The following CNTNAP2 variants were observed in gnomAD, a reference collection of about 807,000 sequenced individuals.
The protein encoded by CNTNAP2 is contactin associated protein 2.
CNTNAP2 carries 98 observed loss-of-function variants against 155.2 expected under a neutral mutation model. That is an observed-to-expected ratio of 0.63 (90% confidence interval 0.54 to 0.75). The LOEUF (loss-of-function observed/expected upper bound fraction) is 0.75. CNTNAP2 is among the 30% of genes least tolerant of loss of function. CNTNAP2 has a pLI of 0.00. For synonymous variants in CNTNAP2, 651 were observed against 631.2 expected (o/e 1.03, Z -0.47); for missense variants, 1,727 against 1,688.1 (o/e 1.02, Z -0.40).
At chr7:146,151,684 A>ATATATATATG (rs1798051462) in intron 1 of CNTNAP2, among the ~76,000 whole-genome samples, 2 of 51,994 alleles carry the variant, frequency 3.8e-5, no homozygotes, top group African/African-American at 2.5e-4. Flanking sequence ...ATATATATGT[A>ATATATATATG]TATATATATA....
chr7:146,488,992 A>G (rs1265324005), intron 1 of CNTNAP2, among the ~76,000 whole-genome samples: 1 of 152,172 alleles, frequency 6.6e-6, no homozygotes. Flanking sequence ...ACATGGAAAC[A>G]GAGATTTCAA....
intron 13 of CNTNAP2, chr7:147,643,272 A>G (rs998074386): frequency 6.6e-6 from 1 of 152,324 alleles, no homozygotes; most frequent in East Asian, 1.9e-4. Flanking sequence ...GCTAAAATAA[A>G]TTGGCATAAT....
At chr7:148,305,876 T>C (rs1797482372) in intron 21 of CNTNAP2, among the ~76,000 whole-genome samples, 1 of 152,166 alleles carries the variant, frequency 6.6e-6, no homozygotes, top group South Asian at 2.1e-4. Context: ...GCATCTCTCT[T>C]CTCCATCATC....
intron 20 of CNTNAP2, among the ~76,000 whole-genome samples, chr7:148,258,717 T>A (rs1196786225): frequency 6.6e-6 from 1 of 152,088 alleles, no homozygotes; most frequent in Non-Finnish European, 1.5e-5. Context: ...GGGCTTCAAC[T>A]TGGAGTAAAT....
At chr7:146,607,107 T>C (rs1799060960) in intron 1 of CNTNAP2, among the ~76,000 whole-genome samples, 2 of 152,206 alleles carry the variant, frequency 1.3e-5, no homozygotes, top group African/African-American at 4.8e-5. Flanking sequence ...AAAATATTTC[T>C]AACATTATTA....
At chr7:146,706,423 T>G (rs1245966856) in intron 1 of CNTNAP2, among the ~76,000 whole-genome samples, 1 of 152,172 alleles carries the variant, frequency 6.6e-6, no homozygotes, top group African/African-American at 2.4e-5. Flanking sequence ...CATGGAGATC[T>G]TCTCAGCCTG....
chr7:147,560,906 G>T (rs1023002533), intron 11 of CNTNAP2, among the ~76,000 whole-genome samples: 1 of 150,928 alleles, frequency 6.6e-6, no homozygotes, highest in Non-Finnish European at 1.5e-5. Context: ...ACTTGGTAGA[G>T]GAAGGTTAAA....
At chr7:147,111,218 G>A (rs1210539624) in intron 5 of CNTNAP2, among the ~76,000 whole-genome samples, 1 of 152,018 alleles carries the variant, frequency 6.6e-6, no homozygotes, top group Non-Finnish European at 1.5e-5. Context: ...ATTTTTATGA[G>A]GTTGTTTTTG....
intron 1 of CNTNAP2, among the ~76,000 whole-genome samples, chr7:146,277,150 G>A (rs772400075): frequency 1.4e-4 from 22 of 152,120 alleles, no homozygotes; most frequent in Non-Finnish European, 2.6e-4. Context: ...ACCAACGGAG[G>A]CCTGGAGCAA....
intron 12 of CNTNAP2, among the ~76,000 whole-genome samples, chr7:147,632,448 T>C (rs544316604): frequency 2.0e-5 from 3 of 152,266 alleles, no homozygotes; most frequent in Admixed American, 6.5e-5. Flanking sequence ...CGAGATCTGA[T>C]GGTTTTATAA....
rs916426198 is a variant in CNTNAP2, at chr7:146,763,230, C to T, written c.98-11041C>T. Among the ~76,000 whole-genome samples the T allele has an allele frequency of 3.3e-5, 5 of 152,098 alleles. No individual in the cohort carries two copies. In the East Asian group the frequency reaches 9.6e-4, roughly 29 times the overall value. ...ATACCCACCTTGTTCCTGCTCCGAG[C>T]CTTTTGACTGGGGTTTGTTGTGCTA... is the stretch of plus-strand genomic sequence containing the variant. On this transcript the variant is annotated intron_variant, in intron 1 of 23. Coordinates refer to ENST00000361727, the MANE Select transcript of CNTNAP2 (RefSeq NM_014141.6).
chr7:146,652,499 C>T (rs559000813), intron 1 of CNTNAP2, among the ~76,000 whole-genome samples: 10 of 152,254 alleles, frequency 6.6e-5, no homozygotes, highest in African/African-American at 2.4e-4. Context: ...AGTAGGATTT[C>T]AAGACATTTG....
chr7:147,640,487 A>AT (rs1430099060), intron 13 of CNTNAP2, among the ~76,000 whole-genome samples: 1 of 152,176 alleles, frequency 6.6e-6, no homozygotes, highest in African/African-American at 2.4e-5. Context: ...TAGTATATTG[A>AT]TTTTTTAAAA....
intron 3 of CNTNAP2, among the ~76,000 whole-genome samples, chr7:146,953,559 G>A (rs186398444): frequency 9.9e-5 from 15 of 151,978 alleles, no homozygotes; most frequent in East Asian, 5.8e-4. Flanking sequence ...TTCCAATTAC[G>A]AAATTCGAAA....
chr7:147,421,522 A>T (rs62481222), intron 10 of CNTNAP2, among the ~76,000 whole-genome samples: 24,540 of 150,848 alleles, frequency 0.16, 2,263 homozygotes, highest in East Asian at 0.35. Flanking sequence ...ACACAAATAA[A>T]ATATATATTT....
At chr7:146,995,814 T>C (rs1013059821) in intron 3 of CNTNAP2, among the ~76,000 whole-genome samples, 7 of 152,132 alleles carry the variant, frequency 4.6e-5, no homozygotes, top group Non-Finnish European at 1.0e-4. Flanking sequence ...TTTTCTCCCA[T>C]TCAGTAGGTT....
intron 11 of CNTNAP2, among the ~76,000 whole-genome samples, chr7:147,524,332 G>A (rs1352498421): frequency 2.0e-5 from 3 of 152,050 alleles, no homozygotes; most frequent in African/African-American, 7.3e-5. Flanking sequence ...GGAGGTTGCG[G>A]TGAGCCGAGA....
chr7:148,377,775 C>T lies in CNTNAP2; in HGVS notation c.3476-5874C>T, dbSNP rs1372055814. Among the ~76,000 whole-genome samples, 3 of 68,056 alleles carry T rather than the reference C, an allele frequency of 4.4e-5. 1 individual carries two copies. The highest frequency in any genetic ancestry group is 1.1e-4 in the African/African-American group (3 of 27,758). The allele number at this position is 68,056 out of a possible 152,430, so 44.6% of individuals were successfully genotyped here. Reference sequence around the variant, plus strand: ...AGATGGTTTCAGTCATAGACCGTCCCTGACTTATGGTTCCACTTAGAAGTT... The same window carrying T: ...AGATGGTTTCAGTCATAGACCGTCCTTGACTTATGGTTCCACTTAGAAGTT... On this transcript the variant is annotated intron_variant, in intron 21 of 23. Transcript: ENST00000361727.
At chr7:147,414,852 A>T (rs1312725910) in intron 10 of CNTNAP2, among the ~76,000 whole-genome samples, 1 of 145,480 alleles carries the variant, frequency 6.9e-6, no homozygotes, top group Admixed American at 7.2e-5. Flanking sequence ...GAGGCAGGAG[A>T]ATGGCGTGAA....
Sources: allele counts gnomAD v4.1 joint callset (sites outside exome capture counted in the v4.1 genomes callset), GRCh38; gene constraint gnomAD v4.1.1; transcripts MANE v1.5; gene names NCBI Gene and HGNC (gene_info 2026-07-23, HGNC 2026-07-21).